The following IL23R variants were observed in gnomAD, a reference collection of about 807,000 sequenced individuals.
IL23R encodes the protein interleukin-23 receptor.
IL23R carries 34 observed loss-of-function variants against 56.9 expected under a neutral mutation model. The ratio of observed to expected loss-of-function variants is 0.60; its 90% CI spans 0.45 to 0.80. The LOEUF is 0.80. Ranked by LOEUF, IL23R falls within the 30% of genes least tolerant of loss-of-function variation. The probability of loss-of-function intolerance (pLI) is 0.00; values close to 1 mark genes in which losing one functional copy is unlikely to be tolerated. For missense variants in IL23R, 635 were observed against 730.0 expected, an observed-to-expected ratio of 0.87 and a Z score of 1.50; for synonymous variants, 230 against 249.2, an observed-to-expected ratio of 0.92 and a Z score of 0.73.
At chr1:67,260,875 C>G (rs912702666), downstream of IL23R, among the ~76,000 whole-genome samples, 12 of 152,022 alleles carry the variant, frequency 7.9e-5, no homozygotes, top group African/African-American at 2.9e-4. Flanking sequence ...CAGAGCAAGA[C>G]CCCGTCTCTA....
In IL23R at chr1:67,219,713, A is replaced by G. The variant is rs749061229; in HGVS notation, c.938A>G (p.His313Arg). 39 of 1,613,832 alleles carry G rather than the reference A, an allele frequency of 2.4e-5. No individual in the cohort carries two copies. The highest frequency in any genetic ancestry group is 3.3e-5 in the Non-Finnish European group (39 of 1,179,708). ...YWQPWSSLFF[H>R]KTPETVPQVT... ...CAGCCTTGGAGTTCACTGTTTTTTC[A>G]TAAAACACCTGAAACAGGTGAGTGT... The change falls in exon 7 of 11, where the codon CAT (histidine) becomes CGT (arginine). Residue 313 changes from histidine to arginine, a missense_variant. Coordinates refer to ENST00000347310, the MANE Select transcript of IL23R (RefSeq NM_144701.3).
intron 3 of IL23R, among the ~76,000 whole-genome samples, chr1:67,175,564 T>G (rs1646997241): frequency 6.6e-6 from 1 of 152,206 alleles, no homozygotes; most frequent in Non-Finnish European, 1.5e-5. Flanking sequence ...TCCAGATACC[T>G]TGTGTAAGGG....
intron 4 of IL23R, among the ~76,000 whole-genome samples, chr1:67,192,702 A>C (rs908207583): frequency 2.6e-5 from 4 of 152,096 alleles, no homozygotes; most frequent in Non-Finnish European, 5.9e-5. Context: ...AATCAGGTAG[A>C]TTCTCCTGGA....
At chr1:67,205,928 T>TTTC (rs1175558161) in intron 5 of IL23R, among the ~76,000 whole-genome samples, 15 of 151,088 alleles carry the variant, frequency 9.9e-5, no homozygotes, top group African/African-American at 3.7e-4. Context: ...TCTTTCTTTT[T>TTTC]CTTTCTTTCT....
intron 3 of IL23R, among the ~76,000 whole-genome samples, chr1:67,179,382 T>C (rs1438251690): frequency 6.6e-6 from 1 of 152,232 alleles, no homozygotes; most frequent in Non-Finnish European, 1.5e-5. Context: ...CCATTTCTTC[T>C]AGACTTTCTA....
At chr1:67,252,746 A>G (rs1227757340) in intron 9 of IL23R, among the ~76,000 whole-genome samples, 1 of 151,936 alleles carries the variant, frequency 6.6e-6, no homozygotes, top group Non-Finnish European at 1.5e-5. Context: ...TGGCAGCAGA[A>G]TCACAGCAGA....
chr1:67,214,222 C>T (rs1649682498), intron 6 of IL23R, among the ~76,000 whole-genome samples: 1 of 151,938 alleles, frequency 6.6e-6, no homozygotes, highest in Non-Finnish European at 1.5e-5. Flanking sequence ...GAAAAACCAC[C>T]TACTATGTAA....
At chr1:67,218,346 G>GTATATATATA in intron 6 of IL23R, among the ~76,000 whole-genome samples, 1 of 141,206 alleles carries the variant, frequency 7.1e-6, no homozygotes, top group African/African-American at 2.7e-5. Context: ...GTGTGTGTGT[G>GTATATATATA]TGTGTGTGTG....
intron 5 of IL23R, among the ~76,000 whole-genome samples, chr1:67,204,257 G>T (rs966987941): frequency 3.3e-4 from 50 of 152,010 alleles, no homozygotes; most frequent in Non-Finnish European, 6.6e-4. Context: ...TAGAGATGGG[G>T]TTTCACCATG....
intron 1 of IL23R, among the ~76,000 whole-genome samples, chr1:67,146,294 A>G (rs1353654109): frequency 6.6e-6 from 1 of 152,172 alleles, no homozygotes; most frequent in Non-Finnish European, 1.5e-5. Context: ...CCACTGCCAC[A>G]GTGCCTGTCG....
At chr1:67,195,045 T>A (rs982389890) in intron 4 of IL23R, among the ~76,000 whole-genome samples, 9 of 152,224 alleles carry the variant, frequency 5.9e-5, no homozygotes, top group African/African-American at 2.2e-4. Context: ...TATCTTCTTT[T>A]TTTATTTAAA....
chr1:67,161,690 C>T (rs1379711194), upstream of IL23R, among the ~76,000 whole-genome samples: 4 of 151,864 alleles, frequency 2.6e-5, no homozygotes, highest in South Asian at 2.1e-4. Flanking sequence ...TGCTGTGGCG[C>T]GATCTCGGCT....
intron 4 of IL23R, among the ~76,000 whole-genome samples, chr1:67,188,413 C>T (rs1188157026): frequency 2.6e-5 from 4 of 152,138 alleles, no homozygotes; most frequent in African/African-American, 4.8e-5. Context: ...AGTTGGATAC[C>T]GTCATCCAAC....
intron 1 of IL23R, among the ~76,000 whole-genome samples, chr1:67,160,602 T>C (rs1235731246): frequency 6.6e-6 from 1 of 152,220 alleles, no homozygotes; most frequent in Non-Finnish European, 1.5e-5. Context: ...TTACATTATA[T>C]GTGAAGGCCA....
Position 67,212,718 on chromosome 1 carries a change from A to G in IL23R, c.798+5663A>G, listed in dbSNP as rs148739716. Among the ~76,000 whole-genome samples the G allele has an allele frequency of 9.9e-4, 150 of 151,756 alleles. 1 individual carries two copies. In the East Asian group the frequency reaches 0.024, roughly 24 times the overall value. Reference sequence around the variant, plus strand: ...GCCACCATGCCCAGCTAAATTTTAAAAATTTTTCTGTAGAGACAGGGTTGT... The same window carrying G: ...GCCACCATGCCCAGCTAAATTTTAAGAATTTTTCTGTAGAGACAGGGTTGT... On this transcript the variant is annotated intron_variant, in intron 6 of 10. Coordinates refer to ENST00000347310, the MANE Select transcript of IL23R (RefSeq NM_144701.3).
chr1:67,159,452 A>C (rs1487590933), intron 1 of IL23R, among the ~76,000 whole-genome samples: 1 of 152,268 alleles, frequency 6.6e-6, no homozygotes, highest in East Asian at 1.9e-4. Flanking sequence ...ACTGTGAGTC[A>C]ATTAAACCTC....
chr1:67,170,555 G>T (rs1474539067), intron 3 of IL23R, among the ~76,000 whole-genome samples: 2 of 152,128 alleles, frequency 1.3e-5, no homozygotes, highest in Non-Finnish European at 2.9e-5. Flanking sequence ...AGTGATATGG[G>T]CTGGCTCGTA....
At chr1:67,173,452 G>A (rs1051396467) in intron 3 of IL23R, among the ~76,000 whole-genome samples, 1 of 152,042 alleles carries the variant, frequency 6.6e-6, no homozygotes, top group Non-Finnish European at 1.5e-5. Flanking sequence ...AATAACTTCA[G>A]CACAAATCAT....
chr1:67,194,776 T>C (rs1648011344), intron 4 of IL23R, among the ~76,000 whole-genome samples: 1 of 152,222 alleles, frequency 6.6e-6, no homozygotes, highest in Non-Finnish European at 1.5e-5. Flanking sequence ...CATTTACACA[T>C]AGTTGCCATT....
Sources: gnomAD v4.1 joint callset for allele counts (sites outside exome capture counted in the v4.1 genomes callset) on GRCh38, gnomAD v4.1.1 for gene constraint, MANE v1.5 for transcripts, NCBI Gene and HGNC (gene_info 2026-07-23, HGNC 2026-07-21) for gene names.